Variants in XKR4 observed in about 807,000 individuals in gnomAD.
XKR4 encodes the protein XK-related protein 4.
In XKR4, 12 loss-of-function variants were observed where a neutral mutation model predicts 53.9. That is an observed-to-expected ratio of 0.22 (90% CI 0.14 to 0.36). The LOEUF is 0.36. Ranked by LOEUF, XKR4 falls within the 10% of genes least tolerant of loss-of-function variation. The pLI, the probability that XKR4 is intolerant of heterozygous loss-of-function variation, is 1.00. For synonymous variants in XKR4, 354 were observed against 362.4 expected, an observed-to-expected ratio of 0.98 and a Z score of 0.26; for missense variants, 799 against 859.5, an observed-to-expected ratio of 0.93 and a Z score of 0.88.
chr8:55,221,506 T>C (rs540155669), intron 1 of XKR4, among the ~76,000 whole-genome samples: 1 of 152,122 alleles, frequency 6.6e-6, no homozygotes, highest in Admixed American at 6.5e-5. Context: ...CACCCTGATG[T>C]TTCTGATGGT....
In XKR4 at chr8:55,246,728, GTT is replaced by G. The variant is rs572714754; in HGVS notation, c.807-110948_807-110947del. Among the ~76,000 whole-genome samples the G allele has an allele frequency of 5.1e-4, 73 of 143,244 alleles. No individual in the cohort carries two copies. The South Asian group carries it at 0.014, about 27-fold the overall frequency. 94.0% of individuals were successfully genotyped at this position (143,244 alleles called of 152,430 possible). ...CCATTAAAGTCTTTTTTTTTTTTTA[GTT>G]TACTTTGAGGGGCTTTGGATTCCAT... On this transcript the variant is annotated intron_variant, in intron 1 of 2. Transcript: ENST00000327381.
In XKR4 at chr8:55,300,692, C is replaced by A. The variant is rs1369737994; in HGVS notation, c.807-56986C>A. ...GCCCTAAAGGGAGAGAGTCTGCTGG[C>A]CACCTTCAGGGCAGCTTTACTAAAT... On this transcript the variant is annotated intron_variant, in intron 1 of 2. Transcript: ENST00000327381. Among the ~76,000 whole-genome samples, 5 of 152,194 alleles carry A rather than the reference C, an allele frequency of 3.3e-5. No homozygotes were observed. In the East Asian group the frequency reaches 7.7e-4, roughly 24 times the overall value.
intron 1 of XKR4, among the ~76,000 whole-genome samples, chr8:55,135,004 A>G (rs1200198673): frequency 6.6e-6 from 1 of 152,146 alleles, no homozygotes; most frequent in African/African-American, 2.4e-5. Context: ...TACATTTTAC[A>G]GTCTGAATCA....
chr8:55,170,835 G>A (rs560226433), intron 1 of XKR4, among the ~76,000 whole-genome samples: 11 of 152,246 alleles, frequency 7.2e-5, no homozygotes, highest in African/African-American at 2.6e-4. Context: ...CCGGACACGG[G>A]CGGGAGCTTG....
At chr8:55,375,892 CT>C (rs1345685112) in intron 2 of XKR4, among the ~76,000 whole-genome samples, 1 of 152,068 alleles carries the variant, frequency 6.6e-6, no homozygotes, top group Non-Finnish European at 1.5e-5. Flanking sequence ...ACACCCTCCC[CT>C]AACAGGCCCC....
chr8:55,472,740 A>G (rs1369359204), intron 2 of XKR4, among the ~76,000 whole-genome samples: 1 of 152,114 alleles, frequency 6.6e-6, no homozygotes. Flanking sequence ...ATTCAAAGTC[A>G]TTTCTATTAT....
At chr8:55,154,656 A>G (rs1026852690) in intron 1 of XKR4, among the ~76,000 whole-genome samples, 1 of 152,168 alleles carries the variant, frequency 6.6e-6, no homozygotes, top group Non-Finnish European at 1.5e-5. Context: ...AAATCCTCTG[A>G]AAAGCTTTCC....
At chr8:55,376,804 T>C (rs1394618100) in intron 2 of XKR4, among the ~76,000 whole-genome samples, 1 of 152,052 alleles carries the variant, frequency 6.6e-6, no homozygotes, top group African/African-American at 2.4e-5. Context: ...CTGCACTGAG[T>C]GCATATCATT....
intron 1 of XKR4, among the ~76,000 whole-genome samples, chr8:55,299,261 T>A (rs1819145154): frequency 6.6e-6 from 1 of 152,042 alleles, no homozygotes; most frequent in Non-Finnish European, 1.5e-5. Flanking sequence ...CAGGACAAAG[T>A]GGAGATATTT....
chr8:55,423,591 C>T (rs1804969086), intron 2 of XKR4, among the ~76,000 whole-genome samples: 1 of 152,190 alleles, frequency 6.6e-6, no homozygotes, highest in South Asian at 2.1e-4. Context: ...CCATGACTAT[C>T]CCTCAGATTA....
chr8:55,110,159 G>A (rs916622268), intron 1 of XKR4, among the ~76,000 whole-genome samples: 2 of 152,094 alleles, frequency 1.3e-5, no homozygotes, highest in Non-Finnish European at 2.9e-5. Context: ...TAGTCAGGAG[G>A]GAATGTTTTA....
At chr8:55,305,675 A>G (rs532664969) in intron 1 of XKR4, among the ~76,000 whole-genome samples, 1 of 152,302 alleles carries the variant, frequency 6.6e-6, no homozygotes, top group East Asian at 1.9e-4. Context: ...AGCTTAACAA[A>G]CACAGCACTG....
intron 2 of XKR4, among the ~76,000 whole-genome samples, chr8:55,512,626 T>C (rs2063026): frequency 0.67 from 101,653 of 152,140 alleles, 34,682 homozygotes; most frequent in East Asian, 0.86. Context: ...TGTTTGTGTC[T>C]TTAGTGCCTG....
chr8:55,221,402 G>A (rs994806462), intron 1 of XKR4, among the ~76,000 whole-genome samples: 1 of 152,100 alleles, frequency 6.6e-6, no homozygotes, highest in Non-Finnish European at 1.5e-5. Context: ...ATGCTGTAAG[G>A]TCCCCACAGG....
intron 2 of XKR4, chr8:55,517,283 G>GA (rs1267180330): frequency 2.6e-5 from 2 of 76,908 alleles, no homozygotes; most frequent in Non-Finnish European, 5.0e-5. Flanking sequence ...ATATACAAAT[G>GA]AAAAAATTAA....
chr8:55,289,536 AGAAAGAAGGAAGGAAG>A (rs1818951973), intron 1 of XKR4, among the ~76,000 whole-genome samples: 6 of 90,074 alleles, frequency 6.7e-5, no homozygotes, highest in South Asian at 3.2e-4. Flanking sequence ...AAGAAAAGAA[AGAAAGAAGGAAGGAAG>A]GAAGGAAGGA....
chr8:55,343,239 G>A (rs1803584088), intron 1 of XKR4, among the ~76,000 whole-genome samples: 1 of 152,140 alleles, frequency 6.6e-6, no homozygotes. Flanking sequence ...TCCCTGGGGT[G>A]CTAAAAACAG....
intron 2 of XKR4, among the ~76,000 whole-genome samples, chr8:55,507,345 T>C (rs72649509): frequency 1.1e-3 from 163 of 150,586 alleles, no homozygotes; most frequent in Non-Finnish European, 2.1e-3. Flanking sequence ...TTTTTATTAT[T>C]ACTGTTGGAT....
intron 2 of XKR4, among the ~76,000 whole-genome samples, chr8:55,435,238 C>A (rs1438017522): frequency 6.6e-6 from 1 of 152,168 alleles, no homozygotes; most frequent in Non-Finnish European, 1.5e-5. Context: ...CTTGCTGATA[C>A]ATTTACTAGG....
Sources: gnomAD v4.1 joint callset for allele counts (sites outside exome capture counted in the v4.1 genomes callset) on GRCh38, gnomAD v4.1.1 for gene constraint, MANE v1.5 for transcripts, NCBI Gene and HGNC (gene_info 2026-07-23, HGNC 2026-07-21) for gene names.